The following PAPPA2 variants were observed in gnomAD, a reference collection of about 807,000 sequenced individuals.
PAPPA2 encodes the protein pappalysin-2.
In PAPPA2, 86 loss-of-function variants were observed where a neutral mutation model predicts 176.4. The observed-to-expected ratio is 0.49, with a 90% CI of 0.41 to 0.58. The LOEUF (loss-of-function observed/expected upper bound fraction) is 0.58, where lower values mean the gene tolerates loss of function less well. Ranked by LOEUF, PAPPA2 falls within the 20% of genes least tolerant of loss-of-function variation. The probability of loss-of-function intolerance (pLI) is 0.00; values close to 1 mark genes in which losing one functional copy is unlikely to be tolerated. For missense variants in PAPPA2, 2,073 were observed against 2,256.9 expected (o/e 0.92, Z 1.65); for synonymous variants, 809 against 852.2 (o/e 0.95, Z 0.88).
chr1:176,491,098 CTG>C (rs903481396), intron 1 of PAPPA2, among the ~76,000 whole-genome samples: 9 of 152,316 alleles, frequency 5.9e-5, no homozygotes, highest in African/African-American at 1.4e-4. Flanking sequence ...TTGTTGAAGA[CTG>C]TAGCTCTTGA....
chr1:176,734,245 G>T (rs778235818), intron 12 of PAPPA2, among the ~76,000 whole-genome samples: 4 of 152,104 alleles, frequency 2.6e-5, no homozygotes, highest in Non-Finnish European at 5.9e-5. Flanking sequence ...CTCTCAGAAA[G>T]AATTCAGCCA....
At chr1:176,836,661 A>C (rs372287168) in intron 21 of PAPPA2, 1 of 152,172 alleles carries the variant, frequency 6.6e-6, no homozygotes, top group South Asian at 2.1e-4. Flanking sequence ...CCTCAGAACC[A>C]TCCAGTCCTA....
At chr1:176,807,775 C>T (rs138422302) in intron 21 of PAPPA2, among the ~76,000 whole-genome samples, 26 of 152,030 alleles carry the variant, frequency 1.7e-4, no homozygotes, top group African/African-American at 6.0e-4. Context: ...GGATTACAGG[C>T]GTGAGCCACC....
intron 14 of PAPPA2, among the ~76,000 whole-genome samples, chr1:176,758,398 A>AAAGCTATCT (rs1663531989): frequency 6.6e-6 from 1 of 152,192 alleles, no homozygotes; most frequent in Admixed American, 6.5e-5. Context: ...GATAAATAGC[A>AAAGCTATCT]AAGCTATCTA....
chr1:176,638,443 G>A (rs977478435), intron 3 of PAPPA2, among the ~76,000 whole-genome samples: 13 of 152,044 alleles, frequency 8.6e-5, no homozygotes, highest in Admixed American at 5.2e-4. Context: ...AGGCTCTCTG[G>A]AACAGTTTAG....
At chr1:176,675,497 A>C (rs1304465290) in intron 4 of PAPPA2, among the ~76,000 whole-genome samples, 1 of 152,104 alleles carries the variant, frequency 6.6e-6, no homozygotes, top group East Asian at 1.9e-4. Flanking sequence ...AATAGATACC[A>C]GTAAGAAAAA....
intron 21 of PAPPA2, among the ~76,000 whole-genome samples, chr1:176,809,434 C>T (rs1666047128): frequency 6.6e-6 from 1 of 152,170 alleles, no homozygotes; most frequent in African/African-American, 2.4e-5. Flanking sequence ...CTAATTCAAT[C>T]CATCTGTTAC....
intron 14 of PAPPA2, among the ~76,000 whole-genome samples, chr1:176,745,770 G>A (rs963377325): frequency 6.6e-6 from 1 of 152,172 alleles, no homozygotes; most frequent in Admixed American, 6.5e-5. Flanking sequence ...TGCAGCTGTG[G>A]AACATTGTGT....
chr1:176,769,057 C>A (rs1454237805), intron 15 of PAPPA2, among the ~76,000 whole-genome samples: 2 of 152,210 alleles, frequency 1.3e-5, no homozygotes, highest in South Asian at 4.1e-4. Flanking sequence ...TCAGTCATCA[C>A]CCCTAGGCCT....
At chr1:176,841,297 G>A (rs1488967543) in intron 22 of PAPPA2, among the ~76,000 whole-genome samples, 2 of 152,000 alleles carry the variant, frequency 1.3e-5, no homozygotes, top group African/African-American at 4.8e-5. Context: ...TCTAGTAATC[G>A]TCTGTAATAA....
chr1:176,485,396 A>G (rs771458705), intron 1 of PAPPA2, among the ~76,000 whole-genome samples: 33 of 152,182 alleles, frequency 2.2e-4, no homozygotes, highest in Non-Finnish European at 3.8e-4. Flanking sequence ...CTCCAGCCAT[A>G]TAACTTTTCA....
intron 1 of PAPPA2, among the ~76,000 whole-genome samples, chr1:176,546,817 A>G (rs965369779): frequency 1.3e-5 from 2 of 152,242 alleles, no homozygotes; most frequent in Non-Finnish European, 2.9e-5. Context: ...CTCTTGAAAT[A>G]TAATTACTTT....
At chr1:176,720,502 T>C (rs1212523504) in intron 12 of PAPPA2, among the ~76,000 whole-genome samples, 1 of 152,158 alleles carries the variant, frequency 6.6e-6, no homozygotes, top group Non-Finnish European at 1.5e-5. Context: ...CCGTTTCTTA[T>C]TCATTTGTTC....
In PAPPA2 at chr1:176,556,094, C is replaced by T. The variant is rs944501653; in HGVS notation, c.-229C>T. The stretch of plus-strand genomic sequence containing the variant: ...GGAGAGAGGTCAAGCGAGAAGCGTG[C>T]GGGAAGCACATGCCCTGGGGAGGCA... On this transcript the variant is annotated 5_prime_UTR_variant, in exon 2 of 23. Coordinates refer to ENST00000367662, the MANE Select transcript of PAPPA2 (RefSeq NM_020318.3). The T allele has an allele frequency of 2.3e-5, 13 of 560,872 alleles. No individual in the cohort carries two copies. The highest frequency in any genetic ancestry group is 5.6e-5 in the African/African-American group (3 of 53,220). The allele number at this position is 560,872 out of a possible 1,614,324, so 34.7% of individuals were successfully genotyped here.
intron 1 of PAPPA2, among the ~76,000 whole-genome samples, chr1:176,531,735 C>T (rs1041079701): frequency 6.6e-6 from 1 of 152,206 alleles, no homozygotes; most frequent in Admixed American, 6.5e-5. Flanking sequence ...TTTCTCTTTA[C>T]ACAGATCCCC....
chr1:176,669,491 G>T (rs758986241), intron 3 of PAPPA2, among the ~76,000 whole-genome samples: 4 of 152,042 alleles, frequency 2.6e-5, no homozygotes, highest in Admixed American at 6.6e-5. Context: ...GGGAAAACCA[G>T]GCAACAACTC....
chr1:176,822,265 TGGCTCTGATCTCTAA>T (rs1403182178), intron 21 of PAPPA2, among the ~76,000 whole-genome samples: 1 of 152,150 alleles, frequency 6.6e-6, no homozygotes, highest in Non-Finnish European at 1.5e-5. Flanking sequence ...TCATGACTCT[TGGCTCTGATCTCTAA>T]GGAGTCTTCA....
At chr1:176,830,145 G>T (rs1390120399) in intron 21 of PAPPA2, among the ~76,000 whole-genome samples, 1 of 152,162 alleles carries the variant, frequency 6.6e-6, no homozygotes, top group African/African-American at 2.4e-5. Context: ...GAGGCAGGAG[G>T]ATTGCTTGAG....
intron 12 of PAPPA2, among the ~76,000 whole-genome samples, chr1:176,738,261 A>AG (rs531139281): frequency 7.9e-5 from 12 of 152,160 alleles, no homozygotes; most frequent in Middle Eastern, 6.8e-3. Flanking sequence ...AGAAATAAAA[A>AG]GGGGGGGAAA....
Sources: gnomAD v4.1 joint callset for allele counts (sites outside exome capture counted in the v4.1 genomes callset) on GRCh38, gnomAD v4.1.1 for gene constraint, MANE v1.5 for transcripts, NCBI Gene and HGNC (gene_info 2026-07-23, HGNC 2026-07-21) for gene names.